Variants in GSK3B observed in about 807,000 individuals in gnomAD.
GSK3B encodes the protein glycogen synthase kinase-3 beta.
A neutral mutation model predicts 56.4 loss-of-function variants in GSK3B; 15 were observed. The observed-to-expected ratio is 0.27, with a 90% CI of 0.18 to 0.41. The LOEUF (loss-of-function observed/expected upper bound fraction) is 0.41. Among genes scored for constraint, GSK3B ranks in the 10% least tolerant of loss-of-function variants. The pLI is 1.00. For missense variants in GSK3B, 300 were observed against 513.4 expected (o/e 0.58, Z 4.02); for synonymous variants, 181 against 188.9 (o/e 0.96, Z 0.34).
In GSK3B at chr3:119,826,165, G is replaced by C; in HGVS notation, c.*623C>G. The C allele has an allele frequency of 7.8e-6, 2 of 255,758 alleles. No homozygotes were observed. The highest frequency in any genetic ancestry group is 1.2e-4 in the East Asian group (2 of 16,312). The allele number at this position is 255,758 out of a possible 1,614,324, so 15.8% of individuals were successfully genotyped here. ...AAATCTACTAAGAATCTTCCCTGTA[G>C]AGTTCCAAACTTTATTGACCTCCCT... On this transcript the variant is annotated 3_prime_UTR_variant, in exon 11 of 11. Transcript: ENST00000264235.
chr3:119,824,002 C>T lies in GSK3B; in HGVS notation c.*2786G>A, dbSNP rs1444194726. On this transcript the variant is annotated 3_prime_UTR_variant, in exon 11 of 11. Coordinates refer to ENST00000264235, the MANE Select transcript of GSK3B (RefSeq NM_001146156.2). ...TGCTAGAGTTATTGTTACAATAATA[C>T]AGGCCGGTACCTACTGTACAGAGTT... 1 of 200,346 alleles carries T rather than the reference C, an allele frequency of 5.0e-6. No homozygotes were observed. Among genetic ancestry groups the T allele is most frequent in the African/African-American group, 2.3e-5 (1 of 43,372 alleles). The allele number at this position is 200,346 out of a possible 1,614,324, so 12.4% of individuals were successfully genotyped here. A position where few individuals can be genotyped will look rare whatever the true frequency, so the allele number is the denominator to read the frequency against.
intron 1 of GSK3B, among the ~76,000 whole-genome samples, chr3:120,058,812 C>A (rs942196745): frequency 6.6e-6 from 1 of 151,958 alleles, no homozygotes; most frequent in South Asian, 2.1e-4. Flanking sequence ...GAGTTCAAGA[C>A]CAGACTGGGC....
At chr3:120,034,220 G>T (rs1381384227) in intron 1 of GSK3B, among the ~76,000 whole-genome samples, 1 of 152,052 alleles carries the variant, frequency 6.6e-6, no homozygotes, top group East Asian at 1.9e-4. Context: ...TTTTATTTTT[G>T]ATAATGTTCA....
At chr3:119,952,442 C>T (rs1216387738) in intron 2 of GSK3B, among the ~76,000 whole-genome samples, 3 of 145,932 alleles carry the variant, frequency 2.1e-5, no homozygotes, top group African/African-American at 2.6e-5. Context: ...GAGTCGAGAT[C>T]GTGCCACTGC....
At position 120,093,940 on chromosome 3, in the gene GSK3B, C is replaced by T. The variant is rs1467990756; in HGVS notation, c.-506G>A. ...GGGAGGGGGTGGCTCGGAGATGCGA[C>T]GGGAAACGCTGCAGCTCCGGCAAGC... On this transcript the variant is annotated 5_prime_UTR_variant, in exon 1 of 11. Transcript: ENST00000264235. 1.4e-5 allele frequency: 3 copies of T among 210,400 alleles called. No individual in the cohort carries two copies. Among genetic ancestry groups the T allele is most frequent in the Non-Finnish European group, 2.9e-5 (3 of 103,210 alleles). 13.0% of individuals were successfully genotyped at this position (210,400 alleles called of 1,614,324 possible). A position where few individuals can be genotyped will look rare whatever the true frequency, so the allele number is the denominator to read the frequency against.
chr3:119,881,362 G>A (rs1012597416), intron 7 of GSK3B, among the ~76,000 whole-genome samples: 2 of 152,162 alleles, frequency 1.3e-5, no homozygotes, highest in Non-Finnish European at 2.9e-5. Context: ...GGAAAAGGGG[G>A]CTGTGACTGG....
At chr3:119,870,458 C>T (rs995116787) in intron 8 of GSK3B, among the ~76,000 whole-genome samples, 1 of 151,918 alleles carries the variant, frequency 6.6e-6, no homozygotes, top group Non-Finnish European at 1.5e-5. Flanking sequence ...TCAAATCCAC[C>T]CCAACCTCAT....
At chr3:120,014,317 C>A (rs1161953710) in intron 1 of GSK3B, among the ~76,000 whole-genome samples, 1 of 151,762 alleles carries the variant, frequency 6.6e-6, no homozygotes, top group African/African-American at 2.4e-5. Context: ...AAGATGTTCT[C>A]CCCAAAATAA....
intron 3 of GSK3B, among the ~76,000 whole-genome samples, chr3:119,924,685 C>T (rs1482838022): frequency 2.6e-5 from 4 of 152,188 alleles, no homozygotes; most frequent in African/African-American, 9.7e-5. Flanking sequence ...TCTTAGCCTG[C>T]TTAAATTCCA....
chr3:119,879,720 T>C (rs1003547508), intron 7 of GSK3B, among the ~76,000 whole-genome samples: 4 of 152,176 alleles, frequency 2.6e-5, no homozygotes. Context: ...TTTTTAGCTC[T>C]CACAAATAAC....
chr3:119,868,798 A>C (rs1372554750), intron 8 of GSK3B, among the ~76,000 whole-genome samples: 1 of 152,212 alleles, frequency 6.6e-6, no homozygotes, highest in African/African-American at 2.4e-5. Context: ...TCCAGTTTTA[A>C]AAACTAATAA....
At chr3:120,062,277 C>G (rs1275383645) in intron 1 of GSK3B, among the ~76,000 whole-genome samples, 1 of 152,128 alleles carries the variant, frequency 6.6e-6, no homozygotes, top group Non-Finnish European at 1.5e-5. Flanking sequence ...AGAATAATCA[C>G]ATATTAGACT....
At chr3:120,084,273 T>C (rs557932178) in intron 1 of GSK3B, among the ~76,000 whole-genome samples, 25 of 152,210 alleles carry the variant, frequency 1.6e-4, no homozygotes, top group African/African-American at 5.8e-4. Context: ...TATATCAGTA[T>C]GAAAGCAAAA....
intron 1 of GSK3B, among the ~76,000 whole-genome samples, chr3:120,026,277 A>G (rs1245582980): frequency 6.6e-6 from 1 of 152,146 alleles, no homozygotes; most frequent in Non-Finnish European, 1.5e-5. Context: ...ACAATCACTG[A>G]ATAAAGGAGA....
chr3:119,990,133 C>A (rs535281060), intron 2 of GSK3B, among the ~76,000 whole-genome samples: 195 of 152,190 alleles, frequency 1.3e-3, no homozygotes, highest in Non-Finnish European at 2.4e-3. Context: ...ACATTCCAAA[C>A]TCCTCCCTGA....
intron 1 of GSK3B, among the ~76,000 whole-genome samples, chr3:120,071,157 G>C (rs937412277): frequency 2.0e-5 from 3 of 152,186 alleles, no homozygotes; most frequent in South Asian, 4.1e-4. Flanking sequence ...ACATCGTTTA[G>C]AGTAACTACT....
intron 1 of GSK3B, among the ~76,000 whole-genome samples, chr3:120,033,148 C>T (rs1422487230): frequency 6.6e-6 from 1 of 152,142 alleles, no homozygotes; most frequent in African/African-American, 2.4e-5. Context: ...GAATGTTTTC[C>T]AGGTTCATCC....
chr3:119,900,606 G>C (rs1272041972), intron 7 of GSK3B, among the ~76,000 whole-genome samples: 6 of 152,110 alleles, frequency 3.9e-5, no homozygotes, highest in Admixed American at 3.3e-4. Flanking sequence ...GGAATTTCTG[G>C]GGGACACCTG....
chr3:119,859,764 C>A (rs1490710851), intron 9 of GSK3B, among the ~76,000 whole-genome samples: 1 of 151,970 alleles, frequency 6.6e-6, no homozygotes, highest in Non-Finnish European at 1.5e-5. Flanking sequence ...ATACTCTTAC[C>A]CCCCGCCCCA....
Sources: gnomAD v4.1 joint callset for allele counts (sites outside exome capture counted in the v4.1 genomes callset) on GRCh38, gnomAD v4.1.1 for gene constraint, MANE v1.5 for transcripts, NCBI Gene and HGNC (gene_info 2026-07-23, HGNC 2026-07-21) for gene names.